ADAM32: variants seen among roughly 807,000 people sequenced by gnomAD.
ADAM32 encodes the protein ADAM metallopeptidase domain 32, also known as disintegrin and metalloproteinase domain-containing protein 32.
ADAM32 carries 89 observed loss-of-function variants against 114.9 expected under a neutral mutation model. The observed-to-expected ratio is 0.77, with a 90% confidence interval of 0.65 to 0.92. The LOEUF (loss-of-function observed/expected upper bound fraction) is 0.92, where lower values mean the gene tolerates loss of function less well. ADAM32 is among the 40% of genes least tolerant of loss of function. The pLI is 0.00. For missense variants in ADAM32, 870 were observed against 932.8 expected (o/e 0.93, Z 0.88); for synonymous variants, 285 against 307.5 (o/e 0.93, Z 0.77).
chr8:39,177,215 A>G (rs1805584017), intron 10 of ADAM32, among the ~76,000 whole-genome samples: 2 of 151,912 alleles, frequency 1.3e-5, no homozygotes, highest in African/African-American at 4.8e-5. Context: ...ACACATCACC[A>G]TGCTTGGCTA....
intron 2 of ADAM32, among the ~76,000 whole-genome samples, chr8:39,126,733 CCTTGT>C (rs1448804287): frequency 1.1e-4 from 16 of 152,262 alleles, no homozygotes; most frequent in South Asian, 4.1e-4. Flanking sequence ...GACAGTGCAT[CCTTGT>C]CTTGTGTCAG....
intron 11 of ADAM32, among the ~76,000 whole-genome samples, chr8:39,192,417 G>C (rs1370519164): frequency 6.6e-6 from 1 of 152,156 alleles, no homozygotes; most frequent in African/African-American, 2.4e-5. Flanking sequence ...CATTGTATGT[G>C]AGATGGTTTT....
chr8:39,228,978 G>A (rs1205986826), intron 14 of ADAM32, among the ~76,000 whole-genome samples: 1 of 152,212 alleles, frequency 6.6e-6, no homozygotes, highest in Non-Finnish European at 1.5e-5. Flanking sequence ...ATTATCAGCA[G>A]ATTTCTCAGC....
intron 10 of ADAM32, among the ~76,000 whole-genome samples, chr8:39,179,097 A>G (rs1805694714): frequency 6.6e-6 from 1 of 152,148 alleles, no homozygotes; most frequent in Non-Finnish European, 1.5e-5. Context: ...GAGACCACCC[A>G]GACTCTCTAG....
rs375564044 is a variant in ADAM32, at chr8:39,284,877, C to T, written c.*78C>T. ...AATTCTGTCTTTCCTTCCGTGGTCA[C>T]AGCTGAAAGAAACAATAAATTGAGT... is the stretch of plus-strand genomic sequence containing the variant. On this transcript the variant is annotated 3_prime_UTR_variant, in exon 25 of 25. Coordinates refer to ENST00000379907, the MANE Select transcript of ADAM32 (RefSeq NM_145004.7). 1.8e-5 allele frequency: 28 copies of T among 1,548,858 alleles called. No homozygotes were observed. The Admixed American group carries it at 2.2e-4, about 12-fold the overall frequency.
chr8:39,165,262 G>A (rs1376545871), intron 9 of ADAM32, 66 bp downstream of exon 9: 1 of 1,148,042 alleles, frequency 8.7e-7, no homozygotes, highest in Non-Finnish European at 1.2e-6. Flanking sequence ...GTGGCTTAAT[G>A]TAAGGAATTA....
rs148451555 is a variant in ADAM32, at chr8:39,211,152, A to G, written c.1061A>G (p.Asn354Ser). The change falls in exon 12 of 25, where the codon AAT becomes AGT. Residue 354 changes from asparagine (N) to serine (S), a missense_variant. By Grantham distance (46) the Asn-to-Ser change is conservative. Coordinates refer to ENST00000379907, the MANE Select transcript of ADAM32 (RefSeq NM_145004.7). ...CIMNPEVVQS[N>S]GVKTFSSCSL... is the part of the protein sequence containing the mutation. The stretch of plus-strand genomic sequence containing the variant: ...TATGGATTCATCTTTAGGCAATCCA[A>G]TGGTGTGAAGACTTTTAGCAGTTGC... 366 of 1,579,074 alleles carry G rather than the reference A, an allele frequency of 2.3e-4. 1 individual carries two copies. In the African/African-American group the frequency reaches 2.7e-3, roughly 12 times the overall value.
chr8:39,152,645 T>G (rs937699437), intron 6 of ADAM32, among the ~76,000 whole-genome samples: 18 of 150,038 alleles, frequency 1.2e-4, no homozygotes, highest in African/African-American at 4.3e-4. Context: ...TGTTTGAACC[T>G]GGGAGGTGGA....
rs894233257 is a variant in ADAM32, at chr8:39,147,136, T to A, written c.207T>A (p.Phe69Leu). 2 of 982,864 alleles carry A rather than the reference T, an allele frequency of 2.0e-6. No individual in the cohort carries two copies. The highest frequency in any genetic ancestry group is 2.7e-6 in the Non-Finnish European group (2 of 735,640). The allele number at this position is 982,864 out of a possible 1,614,324, so 60.9% of individuals were successfully genotyped here. A position where few individuals can be genotyped will look rare whatever the true frequency, so the allele number is the denominator to read the frequency against. Residue 69 changes from phenylalanine to leucine, a missense_variant, in exon 4 of 25, where the codon TTT (phenylalanine) becomes TTA (leucine). Coordinates refer to ENST00000379907, the MANE Select transcript of ADAM32 (RefSeq NM_145004.7). ...LYTVHLKQRY[F>L]LADNFMIYLY... ...CCTCTTTTTTTATATTCAGATATTT[T>A]TTAGCAGATAATTTTATGATCTATT... is the stretch of plus-strand genomic sequence containing the variant.
chr8:39,246,237 CA>C, intron 17 of ADAM32, 71 bp downstream of exon 17: 1 of 1,434,910 alleles, frequency 7.0e-7, no homozygotes, highest in Non-Finnish European at 9.7e-7. Flanking sequence ...AATTTACTGA[CA>C]TTTTTTGGGT....
chr8:39,216,266 T>G (rs1808561518), intron 12 of ADAM32, among the ~76,000 whole-genome samples: 1 of 152,056 alleles, frequency 6.6e-6, no homozygotes, highest in Admixed American at 6.6e-5. Context: ...TTCCATCCAT[T>G]TATTTTCAGT....
rs1405515301 is a variant in ADAM32, at chr8:39,151,222, G to A, written c.354-155G>A. On this transcript the variant is annotated intron_variant, in intron 5 of 24. Coordinates refer to ENST00000379907, the MANE Select transcript of ADAM32 (RefSeq NM_145004.7). ...TAGAAAATGGGTTTTGTGGATTTGGGAAATCTTTTGTCTCTTCAGAGTCAT... is the reference window on the plus strand; with the variant it reads ...TAGAAAATGGGTTTTGTGGATTTGGAAAATCTTTTGTCTCTTCAGAGTCAT... Among the ~76,000 whole-genome samples the A allele has an allele frequency of 5.9e-5, 9 of 152,222 alleles. No individual in the cohort carries two copies. In the East Asian group the frequency reaches 1.7e-3, roughly 29 times the overall value.
chr8:39,157,019 T>C (rs1237020048), intron 6 of ADAM32, among the ~76,000 whole-genome samples: 1 of 152,202 alleles, frequency 6.6e-6, no homozygotes, highest in Non-Finnish European at 1.5e-5. Flanking sequence ...TCTGGGAATG[T>C]CTTAATTTCT....
intron 10 of ADAM32, among the ~76,000 whole-genome samples, chr8:39,183,767 C>T (rs1276614933): frequency 6.6e-6 from 1 of 152,206 alleles, no homozygotes; most frequent in African/African-American, 2.4e-5. Context: ...TGTTACAGGA[C>T]ATGTGATAAG....
intron 6 of ADAM32, 131 bp downstream of exon 6, chr8:39,151,679 T>TG: frequency 2.9e-6 from 2 of 697,494 alleles, no homozygotes; most frequent in Admixed American, 8.0e-5. Flanking sequence ...TCTTATCTTT[T>TG]TTTTTTTTTT....
At chr8:39,109,363 T>C (rs1840059089) in intron 1 of ADAM32, among the ~76,000 whole-genome samples, 1 of 151,970 alleles carries the variant, frequency 6.6e-6, no homozygotes, top group East Asian at 1.9e-4. Flanking sequence ...CTGGCCAACA[T>C]GGTGAAACCC....
At chr8:39,223,340 T>C (rs971098131) in intron 14 of ADAM32, 102 bp downstream of exon 14, 2 of 705,280 alleles carry the variant, frequency 2.8e-6, no homozygotes, top group African/African-American at 3.7e-5. Context: ...GAATGTTTTA[T>C]ATAGTATAAA....
rs10097517 is a variant in ADAM32 at position 39,275,962 on chromosome 8, A to T, written c.2279+96A>T. 20,501 of 1,191,324 alleles carry T rather than the reference A, an allele frequency of 0.017. 2,651 individuals are homozygous for T. In the African/African-American group the frequency reaches 0.28, roughly 16 times the overall value. The allele number at this position is 1,191,324 out of a possible 1,614,324, so 73.8% of individuals were successfully genotyped here. On this transcript the variant is annotated intron_variant, in intron 22 of 24. Coordinates refer to ENST00000379907, the MANE Select transcript of ADAM32 (RefSeq NM_145004.7). ...ATTAACAATTACTTGCTAACTATTAACTGAGTAGCCACAATTAGTAAAGTA... is the reference window on the plus strand; with the variant it reads ...ATTAACAATTACTTGCTAACTATTATCTGAGTAGCCACAATTAGTAAAGTA...
chr8:39,254,630 G>A (rs1031478731), intron 18 of ADAM32, 114 bp downstream of exon 18: 1 of 728,612 alleles, frequency 1.4e-6, no homozygotes, highest in Non-Finnish European at 2.1e-6. Context: ...GTAATAAAAA[G>A]GTAATCAGAA....
Sources: gnomAD v4.1 joint callset for allele counts (sites outside exome capture counted in the v4.1 genomes callset) on GRCh38, gnomAD v4.1.1 for gene constraint, MANE v1.5 for transcripts, NCBI Gene and HGNC (gene_info 2026-07-23, HGNC 2026-07-21) for gene names.